Variants in PDGFC observed in about 807,000 individuals in gnomAD.
PDGFC encodes platelet derived growth factor C.
Under a neutral mutation model 35.5 loss-of-function variants are expected in PDGFC, and 12 were observed. That is an observed-to-expected ratio of 0.34 (90% CI 0.22 to 0.55). The LOEUF is 0.55. Ranked by LOEUF, PDGFC falls within the 20% of genes least tolerant of loss-of-function variation. PDGFC has a pLI of 0.91. For missense variants in PDGFC, 322 were observed against 412.4 expected (o/e 0.78, Z 1.90); for synonymous variants, 159 against 148.8 (o/e 1.07, Z -0.50).
intron 1 of PDGFC, among the ~76,000 whole-genome samples, chr4:156,962,851 C>A (rs1732374317): frequency 1.3e-5 from 2 of 152,030 alleles, no homozygotes; most frequent in Non-Finnish European, 2.9e-5. Flanking sequence ...AAGAGTCACT[C>A]CTGGAGAGTC....
At chr4:156,837,311 G>A (rs1393095587) in intron 2 of PDGFC, among the ~76,000 whole-genome samples, 2 of 152,142 alleles carry the variant, frequency 1.3e-5, no homozygotes, top group Non-Finnish European at 2.9e-5. Context: ...CCAGGGAGTT[G>A]GAGGCTGCAG....
At chr4:156,768,389 A>G (rs1324422324) in intron 4 of PDGFC, among the ~76,000 whole-genome samples, 1 of 152,088 alleles carries the variant, frequency 6.6e-6, no homozygotes, top group African/African-American at 2.4e-5. Flanking sequence ...GCTTTGATTA[A>G]AAAACAAGTA....
chr4:156,797,652 C>T (rs538778377), intron 3 of PDGFC, among the ~76,000 whole-genome samples: 1 of 152,250 alleles, frequency 6.6e-6, no homozygotes, highest in East Asian at 1.9e-4. Flanking sequence ...AATAAAATCT[C>T]ATAATGTTTT....
chr4:156,950,754 A>C (rs965527154), intron 1 of PDGFC, among the ~76,000 whole-genome samples: 7 of 151,870 alleles, frequency 4.6e-5, no homozygotes, highest in Non-Finnish European at 1.0e-4. Flanking sequence ...ACAAATACAC[A>C]GAACTTCCAA....
chr4:156,846,457 T>C lies in PDGFC; in HGVS notation c.314+3764A>G, dbSNP rs534139428. Among the ~76,000 whole-genome samples the C allele has an allele frequency of 6.7e-4, 101 of 151,848 alleles. 1 individual carries two copies. Among genetic ancestry groups the C allele is most frequent in the African/African-American group, 2.3e-3 (97 of 41,520 alleles). ...TAATATTGAGAGACAGTCTGTAGAA[T>C]GGTCAGGAATTGTTCAAAATTCCTG... On this transcript the variant is annotated intron_variant, in intron 2 of 5. Transcript: ENST00000502773.
In PDGFC at chr4:156,760,536, TATC is replaced by T. The variant is rs879617914; in HGVS notation, c.*2551_*2553del. Reference sequence around the variant, plus strand: ...CTCAAGGACAAAGGCTTGAAACAGATATCATACACAAAACGGTGTGTGGTCAAT... The same window carrying T: ...CTCAAGGACAAAGGCTTGAAACAGATATACACAAAACGGTGTGTGGTCAAT... On this transcript the variant is annotated 3_prime_UTR_variant, in exon 6 of 6. Transcript: ENST00000502773. The T allele has an allele frequency of 1.1e-4, 17 of 152,206 alleles. No homozygotes were observed. The highest frequency in any genetic ancestry group is 2.6e-4 in the Admixed American group (4 of 15,282). The allele number at this position is 152,206 out of a possible 1,614,324, so 9.4% of individuals were successfully genotyped here. A position where few individuals can be genotyped will look rare whatever the true frequency, so the allele number is the denominator to read the frequency against.
chr4:156,769,823 G>C (rs1197802871), intron 4 of PDGFC, among the ~76,000 whole-genome samples: 1 of 151,952 alleles, frequency 6.6e-6, no homozygotes, highest in African/African-American at 2.4e-5. Flanking sequence ...CTATATATGA[G>C]CTTATTTGAA....
intron 1 of PDGFC, among the ~76,000 whole-genome samples, chr4:156,900,118 A>G (rs1307901516): frequency 1.3e-5 from 2 of 152,232 alleles, no homozygotes; most frequent in African/African-American, 4.8e-5. Flanking sequence ...TCATCTACCC[A>G]GTCATCTCTA....
intron 1 of PDGFC, among the ~76,000 whole-genome samples, chr4:156,891,179 A>T (rs1375474416): frequency 2.0e-5 from 3 of 151,314 alleles, no homozygotes; most frequent in African/African-American, 4.9e-5. Context: ...ATCTAAACAT[A>T]AAAAAAAGGA....
At chr4:156,822,377 A>C (rs1732292408) in intron 2 of PDGFC, among the ~76,000 whole-genome samples, 1 of 150,268 alleles carries the variant, frequency 6.7e-6, no homozygotes. Flanking sequence ...AAAAAAAAAA[A>C]GTGCATAGTA....
rs1261603021 is a variant in PDGFC at position 156,761,638 on chromosome 4, CT to C, written c.*1451del. 6.6e-6 allele frequency: 1 copy of C among 152,596 alleles called. No homozygotes were observed. Among genetic ancestry groups the C allele is most frequent in the Admixed American group, 6.5e-5 (1 of 15,270 alleles). 9.5% of individuals were successfully genotyped at this position (152,596 alleles called of 1,614,324 possible). A position where few individuals can be genotyped will look rare whatever the true frequency, so the allele number is the denominator to read the frequency against. ...ATTTTCTCCCCAAAATAGCCACATT[CT>C]TTTATTTGATGATTCAATACATTTT... On this transcript the variant is annotated 3_prime_UTR_variant, in exon 6 of 6. Transcript: ENST00000502773.
At chr4:156,829,541 CTATT>C (rs1364664999) in intron 2 of PDGFC, among the ~76,000 whole-genome samples, 1 of 152,102 alleles carries the variant, frequency 6.6e-6, no homozygotes, top group Non-Finnish European at 1.5e-5. Context: ...CTCTTGCTCT[CTATT>C]TATTTATTGC....
intron 1 of PDGFC, among the ~76,000 whole-genome samples, chr4:156,916,014 T>C (rs79487809): frequency 0.015 from 2,241 of 152,146 alleles, 59 homozygotes; most frequent in African/African-American, 0.051. Context: ...AAAAAACTGA[T>C]CACCCCAAAC....
intron 5 of PDGFC, among the ~76,000 whole-genome samples, chr4:156,764,503 T>C (rs1026032157): frequency 3.9e-5 from 6 of 152,152 alleles, no homozygotes; most frequent in African/African-American, 1.4e-4. Flanking sequence ...GATGAATTAT[T>C]AGAGAGATAG....
intron 1 of PDGFC, among the ~76,000 whole-genome samples, chr4:156,904,570 G>T (rs1023738510): frequency 1.3e-5 from 2 of 152,012 alleles, no homozygotes; most frequent in Non-Finnish European, 2.9e-5. Flanking sequence ...AATCTCTTAA[G>T]ATTTTTATGT....
At chr4:156,802,518 G>C (rs1042228228) in intron 3 of PDGFC, among the ~76,000 whole-genome samples, 4 of 151,710 alleles carry the variant, frequency 2.6e-5, no homozygotes, top group Non-Finnish European at 5.9e-5. Flanking sequence ...GCAGAGTTGA[G>C]GGTATGGAGA....
At chr4:156,796,652 A>G (rs1362744206) in intron 3 of PDGFC, among the ~76,000 whole-genome samples, 7 of 151,928 alleles carry the variant, frequency 4.6e-5, no homozygotes, top group Non-Finnish European at 1.0e-4. Context: ...TTTTCTCTGA[A>G]CCTCAGCCAA....
chr4:156,797,999 G>A (rs543976526), intron 3 of PDGFC, among the ~76,000 whole-genome samples: 12 of 152,204 alleles, frequency 7.9e-5, no homozygotes, highest in Admixed American at 5.2e-4. Flanking sequence ...AGACCAGCCC[G>A]GCCAACATGG....
chr4:156,856,333 A>C (rs941481888), intron 1 of PDGFC, among the ~76,000 whole-genome samples: 1 of 152,176 alleles, frequency 6.6e-6, no homozygotes, highest in African/African-American at 2.4e-5. Flanking sequence ...GTTAAGAAAT[A>C]ACCAAAAATT....
Sources: allele counts gnomAD v4.1 joint callset (sites outside exome capture counted in the v4.1 genomes callset), GRCh38; gene constraint gnomAD v4.1.1; transcripts MANE v1.5; gene names NCBI Gene and HGNC (gene_info 2026-07-23, HGNC 2026-07-21).